The following KCNN2 variants were observed in gnomAD, a reference collection of about 807,000 sequenced individuals.
The protein encoded by KCNN2 is small conductance calcium-activated potassium channel protein 2.
KCNN2 carries 24 observed loss-of-function variants against 55.5 expected under a neutral mutation model. The ratio of observed to expected loss-of-function variants is 0.43; its 90% CI spans 0.31 to 0.61. The LOEUF (loss-of-function observed/expected upper bound fraction) is 0.61, where lower values mean the gene tolerates loss of function less well. Among genes scored for constraint, KCNN2 ranks in the 20% least tolerant of loss-of-function variants. The probability of loss-of-function intolerance (pLI) is 0.08; values close to 1 mark genes in which losing one functional copy is unlikely to be tolerated. For synonymous variants in KCNN2, 431 were observed against 336.1 expected (o/e 1.28, Z -3.09); for missense variants, 754 against 853.6 (o/e 0.88, Z 1.45).
intron 1 of KCNN2, among the ~76,000 whole-genome samples, chr5:114,093,812 T>C (rs1580506111): frequency 6.6e-6 from 1 of 152,166 alleles, no homozygotes; most frequent in Non-Finnish European, 1.5e-5. Flanking sequence ...ACCTGGTCTC[T>C]CCCTTGACAA....
chr5:114,363,062 G>A lies in KCNN2; in HGVS notation c.923G>A (p.Gly308Asp). The A allele has an allele frequency of 6.2e-7, 1 of 1,609,216 alleles. No individual in the cohort carries two copies. The highest frequency in any genetic ancestry group is 8.5e-7 in the Non-Finnish European group (1 of 1,179,242). The change falls in exon 1 of 8, where the codon GGT becomes GAT. Residue 308 changes from glycine (G) to aspartate (D), a missense_variant. Physicochemically the swap from Gly to Asp is moderately conservative, Grantham distance 94. This residue lies in a region of KCNN2 where 381 missense variants were observed against 259.1 expected (regional missense o/e 1.47). Transcript: ENST00000673685. ...GGCAGCACTGGAGGAGGCGGCGGCG[G>A]TGGCGGGAGCGGGCACGGCAGCAGC... The part of the protein sequence containing the change: ...GGGSTGGGGG[G>D]GGSGHGSSSG...
chr5:114,124,302 G>C (rs1751885041), intron 1 of KCNN2, among the ~76,000 whole-genome samples: 2 of 152,154 alleles, frequency 1.3e-5, no homozygotes, highest in South Asian at 4.1e-4. Context: ...AATAATTCTT[G>C]AACATTTGTT....
At chr5:114,222,624 A>C (rs1048909948) in intron 2 of KCNN2, among the ~76,000 whole-genome samples, 1 of 152,160 alleles carries the variant, frequency 6.6e-6, no homozygotes. Flanking sequence ...TTCTTCCTCA[A>C]TTAAGCTGTG....
intron 3 of KCNN2, among the ~76,000 whole-genome samples, chr5:114,458,043 C>G (rs1318466782): frequency 1.1e-4 from 16 of 152,158 alleles, no homozygotes; most frequent in Admixed American, 1.0e-3. Flanking sequence ...TTCTTCTTCT[C>G]TGATGTCTCC....
At chr5:114,190,939 T>C (rs2112562775) in intron 1 of KCNN2, among the ~76,000 whole-genome samples, 1 of 152,232 alleles carries the variant, frequency 6.6e-6, no homozygotes, top group South Asian at 2.1e-4. Flanking sequence ...GAACCTAAGG[T>C]TATTGACTCT....
At chr5:114,418,437 G>A (rs1488730885) in intron 3 of KCNN2, among the ~76,000 whole-genome samples, 1 of 152,178 alleles carries the variant, frequency 6.6e-6, no homozygotes, top group Non-Finnish European at 1.5e-5. Context: ...CAGCCTGGAA[G>A]TATTTCCATT....
At chr5:114,066,907 C>G (rs1204679425) in intron 1 of KCNN2, among the ~76,000 whole-genome samples, 1 of 152,154 alleles carries the variant, frequency 6.6e-6, no homozygotes, top group Non-Finnish European at 1.5e-5. Flanking sequence ...TCTCACATGA[C>G]TATCTGTAAA....
chr5:114,241,162 A>G (rs1208271496), intron 2 of KCNN2, among the ~76,000 whole-genome samples: 1 of 151,898 alleles, frequency 6.6e-6, no homozygotes, highest in Non-Finnish European at 1.5e-5. Flanking sequence ...ATATTTAAAG[A>G]AGACTCAAAC....
chr5:114,206,906 T>C (rs1418051757), intron 1 of KCNN2, among the ~76,000 whole-genome samples: 1 of 152,190 alleles, frequency 6.6e-6, no homozygotes, highest in Non-Finnish European at 1.5e-5. Context: ...AGCTAATCGA[T>C]TGACTAGCCT....
At chr5:114,494,216 A>G (rs796829411) in intron 7 of KCNN2, among the ~76,000 whole-genome samples, 88 of 151,468 alleles carry the variant, frequency 5.8e-4, no homozygotes, top group African/African-American at 2.0e-3. Flanking sequence ...CCTTTTACCC[A>G]AATGCTTTGA....
chr5:114,335,114 G>A (rs923685136), intron 2 of KCNN2, among the ~76,000 whole-genome samples: 1 of 152,056 alleles, frequency 6.6e-6, no homozygotes, highest in East Asian at 1.9e-4. Context: ...TAGTAGAGAC[G>A]GGGTTTCACC....
At chr5:114,073,519 G>C (rs910903674) in intron 1 of KCNN2, among the ~76,000 whole-genome samples, 1 of 152,162 alleles carries the variant, frequency 6.6e-6, no homozygotes, top group Non-Finnish European at 1.5e-5. Flanking sequence ...ATTCAAAAGA[G>C]TCATATCATT....
At chr5:114,491,680 C>T (rs1747865736) in intron 6 of KCNN2, among the ~76,000 whole-genome samples, 2 of 152,116 alleles carry the variant, frequency 1.3e-5, no homozygotes, top group South Asian at 4.2e-4. Flanking sequence ...ATCTAGAATA[C>T]CTCTGTTGGT....
At chr5:114,386,355 C>G (rs905003605) in intron 2 of KCNN2, among the ~76,000 whole-genome samples, 1 of 152,014 alleles carries the variant, frequency 6.6e-6, no homozygotes, top group Non-Finnish European at 1.5e-5. Context: ...TTATTGATTA[C>G]TGTATCTCCA....
intron 2 of KCNN2, among the ~76,000 whole-genome samples, chr5:114,304,250 G>T (rs1282234319): frequency 6.6e-6 from 1 of 152,116 alleles, no homozygotes; most frequent in Non-Finnish European, 1.5e-5. Flanking sequence ...CCATCAGCTG[G>T]CTATAAGACA....
intron 1 of KCNN2, among the ~76,000 whole-genome samples, chr5:114,073,731 A>C (rs1236507358): frequency 6.6e-6 from 1 of 152,176 alleles, no homozygotes; most frequent in Admixed American, 6.5e-5. Flanking sequence ...TTGTGTTCCC[A>C]TTGCCTAGTA....
chr5:114,469,033 C>T (rs540983015), intron 4 of KCNN2, among the ~76,000 whole-genome samples: 4 of 152,118 alleles, frequency 2.6e-5, no homozygotes, highest in Non-Finnish European at 5.9e-5. Context: ...ACAGTTTCTG[C>T]GCTATAATGG....
chr5:114,148,316 T>C (rs4705625), intron 1 of KCNN2, among the ~76,000 whole-genome samples: 125,045 of 152,182 alleles, frequency 0.82, 52,303 homozygotes, highest in East Asian at 0.94. Flanking sequence ...TTAAGTCTGT[T>C]ACCATCCTCC....
intron 2 of KCNN2, among the ~76,000 whole-genome samples, chr5:114,249,560 T>C (rs1365691750): frequency 6.6e-6 from 1 of 152,100 alleles, no homozygotes; most frequent in Non-Finnish European, 1.5e-5. Flanking sequence ...GTGCTGGGGT[T>C]ACAGGCATGA....
Sources: gnomAD v4.1 joint callset for allele counts (sites outside exome capture counted in the v4.1 genomes callset) on GRCh38, gnomAD v4.1.1 for gene constraint, gnomAD v4.1.1 regional missense constraint, MANE v1.5 for transcripts, NCBI Gene and HGNC (gene_info 2026-07-23, HGNC 2026-07-21) for gene names.